TSNAX: variants seen among roughly 807,000 people sequenced by gnomAD.
The protein encoded by TSNAX is translin associated factor X.
A neutral mutation model predicts 33.0 loss-of-function variants in TSNAX; 12 were observed. That is an observed-to-expected ratio of 0.36 (90% confidence interval 0.23 to 0.59). The LOEUF (loss-of-function observed/expected upper bound fraction) is 0.59. TSNAX is among the 20% of genes least tolerant of loss of function. The pLI is 0.74. For missense variants in TSNAX, 267 were observed against 341.3 expected (o/e 0.78, Z 1.72); for synonymous variants, 110 against 117.2 (o/e 0.94, Z 0.40).
At chr1:231,550,016 TGTGCACAC>T (rs1316788259) in intron 4 of TSNAX, among the ~76,000 whole-genome samples, 1 of 152,232 alleles carries the variant, frequency 6.6e-6, no homozygotes. Flanking sequence ...CACATGGCCT[TGTGCACAC>T]GTGCACACAC....
chr1:231,560,630 A>G (rs144694999), intron 4 of TSNAX, among the ~76,000 whole-genome samples: 2,786 of 151,022 alleles, frequency 0.018, 87 homozygotes, highest in African/African-American at 0.064. Context: ...GTTGGCCAGG[A>G]TGGTCTCAAA....
At chr1:231,548,281 C>A (rs1660080065) in intron 4 of TSNAX, among the ~76,000 whole-genome samples, 1 of 152,076 alleles carries the variant, frequency 6.6e-6, no homozygotes, top group African/African-American at 2.4e-5. Flanking sequence ...CTGTATAAAC[C>A]CTACTATGTA....
At chr1:231,552,852 A>G (rs1034217364) in intron 4 of TSNAX, among the ~76,000 whole-genome samples, 5 of 152,206 alleles carry the variant, frequency 3.3e-5, no homozygotes, top group Non-Finnish European at 5.9e-5. Flanking sequence ...CAAACCATGT[A>G]TGGCCTCTTG....
chr1:231,528,808 G>T lies in TSNAX; in HGVS notation c.-3G>T. On this transcript the variant is annotated 5_prime_UTR_variant, in exon 1 of 6. Coordinates refer to ENST00000366639, the MANE Select transcript of TSNAX (RefSeq NM_005999.3). ...CGCTCGTCTCACCGTAGGCTGTGAC[G>T]ACATGAGCAACAAAGAAGGTGGCGT... is the stretch of plus-strand genomic sequence containing the variant. The T allele has an allele frequency of 6.2e-7, 1 of 1,614,156 alleles. No individual in the cohort carries two copies. Among genetic ancestry groups the T allele is most frequent in the Non-Finnish European group, 8.5e-7 (1 of 1,180,038 alleles).
chr1:231,565,135 A>G lies in TSNAX; in HGVS notation c.*230A>G, dbSNP rs1488578300. ...GATGTTTGCATATATGCCTTTTTGA[A>G]TTTTTGCTGGTTAACCTTTATCATT... On this transcript the variant is annotated 3_prime_UTR_variant, in exon 6 of 6. Coordinates refer to ENST00000366639, the MANE Select transcript of TSNAX (RefSeq NM_005999.3). The G allele has an allele frequency of 4.5e-5, 21 of 466,188 alleles. No homozygotes were observed. The highest frequency in any genetic ancestry group is 6.6e-5 in the Non-Finnish European group (18 of 271,080). The allele number at this position is 466,188 out of a possible 1,614,324, so 28.9% of individuals were successfully genotyped here.
intron 4 of TSNAX, among the ~76,000 whole-genome samples, chr1:231,548,214 G>GT (rs1660076163): frequency 6.6e-6 from 1 of 152,114 alleles, no homozygotes; most frequent in African/African-American, 2.4e-5. Context: ...TCTTCTCATA[G>GT]TTTAATTTAG....
At chr1:231,542,682 A>T (rs543580565) in intron 4 of TSNAX, 71 bp downstream of exon 4, 34 of 1,492,950 alleles carry the variant, frequency 2.3e-5, no homozygotes, top group Non-Finnish European at 3.1e-5. Flanking sequence ...TGTGAGTTGC[A>T]TGAATTTTAA....
chr1:231,535,280 C>T (rs1659089148), intron 2 of TSNAX: 1 of 152,148 alleles, frequency 6.6e-6, no homozygotes, highest in Non-Finnish European at 1.5e-5. Context: ...GTAAGTATAG[C>T]TTTGTGTTCT....
chr1:231,531,684 A>C (rs563379723), intron 2 of TSNAX, among the ~76,000 whole-genome samples: 2 of 152,268 alleles, frequency 1.3e-5, no homozygotes, highest in South Asian at 4.1e-4. Flanking sequence ...TAATTTAGTT[A>C]ATAGTTTAAG....
At chr1:231,543,758 A>G (rs902236598) in intron 4 of TSNAX, among the ~76,000 whole-genome samples, 1 of 152,232 alleles carries the variant, frequency 6.6e-6, no homozygotes, top group Admixed American at 6.5e-5. Flanking sequence ...ACTGAAGTGT[A>G]AAACAGTTCT....
chr1:231,544,079 C>T (rs902180138), intron 4 of TSNAX, among the ~76,000 whole-genome samples: 10 of 152,088 alleles, frequency 6.6e-5, no homozygotes, highest in Non-Finnish European at 1.2e-4. Context: ...GAAAATATTT[C>T]AGACAGAGTA....
chr1:231,537,740 C>CAAA (rs541527416), intron 3 of TSNAX, among the ~76,000 whole-genome samples: 12 of 66,268 alleles, frequency 1.8e-4, no homozygotes, highest in Middle Eastern at 0.013. Flanking sequence ...GACCCTGTCT[C>CAAA]AAAAAAAAAA....
intron 2 of TSNAX, chr1:231,534,751 T>C (rs1302745599): frequency 6.6e-6 from 1 of 152,230 alleles, no homozygotes; most frequent in Non-Finnish European, 1.5e-5. Flanking sequence ...TCTTATCCAG[T>C]ATGTTATACT....
intron 5 of TSNAX, among the ~76,000 whole-genome samples, chr1:231,562,655 A>C (rs1015867227): frequency 6.6e-6 from 1 of 152,178 alleles, no homozygotes; most frequent in African/African-American, 2.4e-5. Flanking sequence ...TTCAGGACTT[A>C]GGTACCAGAT....
rs1422953437 is a variant in TSNAX at position 231,564,591 on chromosome 1, T to A, written c.559T>A (p.Tyr187Asn). The part of the protein sequence containing the change: ...TWRLRVTPVD[Y>N]LLGVADLTGE... ...GAGACTGAGAGTCACACCTGTCGAT[T>A]ACCTTCTGGGAGTGGCTGACTTAAC... Residue 187 changes from tyrosine (Y) to asparagine (N), a missense_variant, in exon 6 of 6, where the codon TAC (tyrosine) becomes AAC (asparagine). Physicochemically the swap from Tyr to Asn is moderately radical, Grantham distance 143. This residue lies in a region of TSNAX where 67 missense variants were observed against 127.2 expected (regional missense o/e 0.53). Transcript: ENST00000366639. The A allele has an allele frequency of 6.2e-7, 1 of 1,614,010 alleles. No homozygotes were observed. The highest frequency in any genetic ancestry group is 1.3e-5 in the African/African-American group (1 of 74,906).
At chr1:231,540,198 A>AAAT (rs1659483304) in intron 3 of TSNAX, among the ~76,000 whole-genome samples, 1 of 149,954 alleles carries the variant, frequency 6.7e-6, no homozygotes. Flanking sequence ...AAAAAAAAAA[A>AAAT]CTTTATGAAA....
chr1:231,530,832 G>A lies in TSNAX; in HGVS notation c.121+1473G>A, dbSNP rs577085576. Among the ~76,000 whole-genome samples the A allele has an allele frequency of 3.9e-5, 6 of 152,058 alleles. 1 individual carries two copies. In the South Asian group the frequency reaches 1.2e-3, roughly 32 times the overall value. ...GAACCCGGAACGCGGAGGTTGCAGT[G>A]AGCCGAGATCGCGCCTTTGCACTCC... On this transcript the variant is annotated intron_variant, in intron 2 of 5. Coordinates refer to ENST00000366639, the MANE Select transcript of TSNAX (RefSeq NM_005999.3).
intron 5 of TSNAX, 32 bp downstream of exon 5, chr1:231,561,287 A>T: frequency 7.0e-7 from 1 of 1,419,120 alleles, no homozygotes; most frequent in Non-Finnish European, 9.7e-7. Flanking sequence ...CACATTTGTT[A>T]TATAATTTAT....
chr1:231,560,096 CAG>C (rs1660962110), intron 4 of TSNAX, among the ~76,000 whole-genome samples: 1 of 151,484 alleles, frequency 6.6e-6, no homozygotes. Context: ...TCTCCTGCCT[CAG>C]CCTCCTGTGT....
Sources: allele counts gnomAD v4.1 joint callset (sites outside exome capture counted in the v4.1 genomes callset), GRCh38; gene constraint gnomAD v4.1.1; regional missense constraint gnomAD v4.1.1; transcripts MANE v1.5; gene names NCBI Gene and HGNC (gene_info 2026-07-23, HGNC 2026-07-21).